GPR137: variants seen among roughly 807,000 people sequenced by gnomAD.
GPR137 encodes the protein integral membrane protein GPR137.
Under a neutral mutation model 38.9 loss-of-function variants are expected in GPR137, and 20 were observed. The observed-to-expected ratio is 0.51, with a 90% CI of 0.36 to 0.75. The LOEUF (loss-of-function observed/expected upper bound fraction) is 0.75. GPR137 is among the 30% of genes least tolerant of loss of function. The pLI, the probability that GPR137 is intolerant of heterozygous loss-of-function variation, is 0.00. For synonymous variants in GPR137, 226 were observed against 235.8 expected (o/e 0.96, Z 0.38); for missense variants, 456 against 526.4 (o/e 0.87, Z 1.31).
At chr11:64,273,366 C>T (rs536010398), upstream of GPR137, among the ~76,000 whole-genome samples, 1 of 152,198 alleles carries the variant, frequency 6.6e-6, no homozygotes, top group East Asian at 1.9e-4. Flanking sequence ...GAGCGAGACT[C>T]TGTCTCAAAT....
upstream of GPR137, chr11:64,271,825 G>T: frequency 1.5e-6 from 2 of 1,371,618 alleles, no homozygotes; most frequent in South Asian, 1.8e-5. Flanking sequence ...CAGTGGGTAG[G>T]GGGGCGACGT....
chr11:64,279,756 C>A (rs2033311443), upstream of GPR137, among the ~76,000 whole-genome samples: 1 of 97,808 alleles, frequency 1.0e-5, no homozygotes, highest in South Asian at 4.4e-4. Flanking sequence ...GAGTAAGACT[C>A]TATCTCAAAA....
chr11:64,285,407 G>A, upstream of GPR137: 1 of 984,804 alleles, frequency 1.0e-6, no homozygotes, highest in South Asian at 4.7e-5. Flanking sequence ...GCGCGCCGGG[G>A]CGAGGGGCGG....
upstream of GPR137, among the ~76,000 whole-genome samples, chr11:64,272,196 A>G (rs968321240): frequency 1.3e-5 from 2 of 152,104 alleles, no homozygotes; most frequent in African/African-American, 2.4e-5. Flanking sequence ...GCACGTGCCT[A>G]TAGTCCCAGT....
intron 2 of GPR137, chr11:64,287,458 G>A: frequency 1.7e-6 from 1 of 604,116 alleles, no homozygotes; most frequent in Non-Finnish European, 2.1e-6. Context: ...GCCCAGCCAG[G>A]TAAGACAGCA....
upstream of GPR137, among the ~76,000 whole-genome samples, chr11:64,280,055 C>T (rs555358689): frequency 1.6e-4 from 24 of 151,042 alleles, no homozygotes; most frequent in Non-Finnish European, 2.2e-4. Context: ...CGGTGGCTCA[C>T]GCCTGTAATC....
Position 64,288,622 on chromosome 11 carries a change from A to G in GPR137, c.932A>G (p.Asn311Ser), listed in dbSNP as rs749469977. 3 of 1,612,972 alleles carry G rather than the reference A, an allele frequency of 1.9e-6. No homozygotes were observed. Among genetic ancestry groups the G allele is most frequent in the Admixed American group, 1.7e-5 (1 of 59,892 alleles). ...PQDLSTSHIL[N>S]GQVFASRSYF... is the part of the protein sequence containing the mutation. ...CCCCAGAGCACCAGCCACATCCTCA[A>G]TGGGCAGGTCTTTGCCTCTCGGTCC... The change falls in exon 6 of 7, where the codon AAT becomes AGT. Residue 311 changes from asparagine to serine, a missense_variant. Transcript: ENST00000438980. The surrounding 1 kb of genome is among the most constrained non-coding windows in gnomAD (Gnocchi z 5.5).
In GPR137 at chr11:64,286,753, T is replaced by A; in HGVS notation, c.229T>A (p.Phe77Ile). 1 of 1,612,688 alleles carries A rather than the reference T, an allele frequency of 6.2e-7. No homozygotes were observed. Among genetic ancestry groups the A allele is most frequent in the Non-Finnish European group, 8.5e-7 (1 of 1,179,108 alleles). ...LLWAALRTTL[F>I]SFYFRDTPRA... is the part of the protein sequence containing the mutation. The stretch of plus-strand genomic sequence containing the variant: ...CTGGGCCGCCTTGCGTACCACCCTC[T>A]TCTCCTTCTACTTCCGAGATACTCC... The change falls in exon 1 of 7, where the codon TTC becomes ATC. Residue 77 changes from phenylalanine to isoleucine, a missense_variant. Transcript: ENST00000438980.
At chr11:64,271,823 A>C, upstream of GPR137, 1 of 1,373,386 alleles carries the variant, frequency 7.3e-7, no homozygotes, top group Admixed American at 3.2e-5. Context: ...GTCAGTGGGT[A>C]GGGGGGCGAC....
At position 64,288,327 on chromosome 11, in the gene GPR137, T is replaced by G. The variant is rs2034374741; in HGVS notation, c.784-13T>G. On this transcript the variant is annotated splice_polypyrimidine_tract_variant and intron_variant, in intron 4 of 6. Transcript: ENST00000438980. This position sits in a 1 kb window ranked among gnomAD's most constrained non-coding sequence, Gnocchi z 5.5. ...GTGACTGCAGACTGGCACCAGCCCC[T>G]GCCTTCCCACAGGCGGACCTGGTGA... is the stretch of plus-strand genomic sequence containing the variant. 1 of 1,613,500 alleles carries G rather than the reference T, an allele frequency of 6.2e-7. No individual in the cohort carries two copies. The highest frequency in any genetic ancestry group is 1.7e-5 in the Admixed American group (1 of 60,000).
upstream of GPR137, chr11:64,271,728 TC>T: frequency 6.9e-7 from 1 of 1,445,164 alleles, no homozygotes. Flanking sequence ...GCTGGGCTCC[TC>T]CCCCATCCCT....
chr11:64,282,683 C>T (rs1482360745), upstream of GPR137, among the ~76,000 whole-genome samples: 1 of 151,888 alleles, frequency 6.6e-6, no homozygotes, highest in African/African-American at 2.4e-5. Flanking sequence ...ATGGAGACCA[C>T]CCTGGCTAAC....
At chr11:64,284,821 C>T, upstream of GPR137, 1 of 1,524,664 alleles carries the variant, frequency 6.6e-7, no homozygotes, top group Non-Finnish European at 8.8e-7. Context: ...GGATCCAAGG[C>T]TCCTCGTCCG....
chr11:64,276,572 G>C (rs1565347928), intron 2 of GPR137, among the ~76,000 whole-genome samples: 1 of 152,146 alleles, frequency 6.6e-6, no homozygotes, highest in East Asian at 1.9e-4. Flanking sequence ...GGCAATCCAA[G>C]TGCCTCGGCC....
chr11:64,288,649 A>G lies in GPR137; in HGVS notation c.959A>G (p.Tyr320Cys). The G allele has an allele frequency of 1.2e-6, 2 of 1,608,220 alleles. No individual in the cohort carries two copies. Among genetic ancestry groups the G allele is most frequent in the Non-Finnish European group, 1.7e-6 (2 of 1,176,884 alleles). Reference protein sequence around the residue: ...LNGQVFASRSYFFDRAGHCED... With the variant: ...LNGQVFASRSCFFDRAGHCED... ...GGGCAGGTCTTTGCCTCTCGGTCCT[A>G]CTTCTTTGACCGGGCTGGGCACTGT... The change falls in exon 6 of 7, where the codon TAC (tyrosine) becomes TGC (cysteine). Residue 320 changes from tyrosine to cysteine, a missense_variant. Transcript: ENST00000438980. The surrounding 1 kb of genome is among the most constrained non-coding windows in gnomAD (Gnocchi z 5.5).
chr11:64,284,246 G>C (rs1439663464), upstream of GPR137: 2 of 1,610,876 alleles, frequency 1.2e-6, no homozygotes, highest in South Asian at 2.2e-5. Context: ...GGAGGCCTGG[G>C]GCCTGGCGAT....
At chr11:64,280,006 A>C (rs997689969), upstream of GPR137, among the ~76,000 whole-genome samples, 5 of 151,870 alleles carry the variant, frequency 3.3e-5, no homozygotes, top group African/African-American at 1.2e-4. Context: ...CAACATAGCA[A>C]GACCTTGTCT....
Position 64,286,433 on chromosome 11 carries a change from C to T in GPR137, c.-92C>T. Reference sequence around the variant, plus strand: ...TGAGCGCCCCATCTCCCTCTCTGCACCCTGCAATTCCCACCCCTCCGTATT... The same window carrying T: ...TGAGCGCCCCATCTCCCTCTCTGCATCCTGCAATTCCCACCCCTCCGTATT... On this transcript the variant is annotated 5_prime_UTR_variant, in exon 1 of 7. Transcript: ENST00000438980. 6.6e-7 allele frequency: 1 copy of T among 1,522,806 alleles called. No individual in the cohort carries two copies. Among genetic ancestry groups the T allele is most frequent in the Admixed American group, 2.0e-5 (1 of 49,704 alleles). 94.3% of individuals were successfully genotyped at this position (1,522,806 alleles called of 1,614,324 possible).
At position 64,287,829 on chromosome 11, in the gene GPR137, G is replaced by T; in HGVS notation, c.516G>T (p.Leu172=). ...GCCGGGCACAGCCCTGGGCCCTGCT[G>T]CTTGTCCGCGTCCTGGTGAGCGACT... ...HRRRAQPWAL[L]LVRVLVSDSL... is the part of the protein sequence containing the mutation. Residue 172 remains leucine (L), a synonymous_variant, in exon 3 of 7, where the codon CTG becomes CTT. Coordinates refer to ENST00000438980, the MANE Select transcript of GPR137 (RefSeq NM_001170880.2). 6.2e-7 allele frequency: 1 copy of T among 1,606,338 alleles called. No individual in the cohort carries two copies.
Sources: allele counts gnomAD v4.1 joint callset (sites outside exome capture counted in the v4.1 genomes callset), GRCh38; gene constraint gnomAD v4.1.1; non-coding constraint Gnocchi (gnomAD v3.1); transcripts MANE v1.5; gene names NCBI Gene and HGNC (gene_info 2026-07-23, HGNC 2026-07-21).